Variants in ADAMTS5 observed in about 807,000 individuals in gnomAD.
The protein encoded by ADAMTS5 is ADAM metallopeptidase with thrombospondin type 1 motif 5.
A neutral mutation model predicts 81.4 loss-of-function variants in ADAMTS5; 54 were observed. The ratio of observed to expected loss-of-function variants is 0.66; its 90% CI spans 0.53 to 0.83. The LOEUF is 0.83. Among genes scored for constraint, ADAMTS5 ranks in the 40% least tolerant of loss-of-function variants. The probability of loss-of-function intolerance (pLI) is 0.00; values close to 1 mark genes in which losing one functional copy is unlikely to be tolerated. For synonymous variants in ADAMTS5, 532 were observed against 508.8 expected (o/e 1.05, Z -0.61); for missense variants, 1,194 against 1,229.9 (o/e 0.97, Z 0.44).
At position 26,923,905 on chromosome 21, in the gene ADAMTS5, A is replaced by C; in HGVS notation, c.*148T>G. The C allele has an allele frequency of 1.2e-6, 1 of 807,420 alleles. No homozygotes were observed. Among genetic ancestry groups the C allele is most frequent in the Non-Finnish European group, 1.9e-6 (1 of 531,868 alleles). 50.0% of individuals were successfully genotyped at this position (807,420 alleles called of 1,614,324 possible). ...GCAGTGCACATCCTCTTTTGGTCAC[A>C]GAGAGCAGATTCTGCCCATAATTGG... On this transcript the variant is annotated 3_prime_UTR_variant, in exon 8 of 8. Coordinates refer to ENST00000284987, the MANE Select transcript of ADAMTS5 (RefSeq NM_007038.5).
chr21:26,925,835 C>G (rs1986796420), intron 7 of ADAMTS5, among the ~76,000 whole-genome samples: 1 of 152,222 alleles, frequency 6.6e-6, no homozygotes, highest in African/African-American at 2.4e-5. Flanking sequence ...ACAGTGACAG[C>G]CACACAGGTG....
intron 2 of ADAMTS5, among the ~76,000 whole-genome samples, chr21:26,951,034 A>C (rs1187538390): frequency 1.3e-5 from 2 of 151,894 alleles, no homozygotes; most frequent in Non-Finnish European, 2.9e-5. Context: ...TTTTCTTTTT[A>C]ATTTTTTGTA....
At chr21:26,936,931 C>A (rs1353881873) in intron 3 of ADAMTS5, among the ~76,000 whole-genome samples, 1 of 152,154 alleles carries the variant, frequency 6.6e-6, no homozygotes, top group African/African-American at 2.4e-5. Flanking sequence ...AGAAGACTGT[C>A]AACAAATCTC....
chr21:26,927,231 T>C (rs1241112535), intron 7 of ADAMTS5, among the ~76,000 whole-genome samples: 1 of 152,206 alleles, frequency 6.6e-6, no homozygotes, highest in Non-Finnish European at 1.5e-5. Flanking sequence ...AATATATTCA[T>C]TTATATTCAA....
In ADAMTS5 at chr21:26,949,190, T is replaced by C. The variant is rs1413466899; in HGVS notation, c.1237+5549A>G. ...TCCATATATATATATCACACATATA[T>C]ATATATATGGAGAGAGAGAGAGAGA... is the stretch of plus-strand genomic sequence containing the variant. On this transcript the variant is annotated intron_variant, in intron 2 of 7. Transcript: ENST00000284987. Among the ~76,000 whole-genome samples, 6 of 145,922 alleles carry C rather than the reference T, an allele frequency of 4.1e-5. No individual in the cohort carries two copies. The Admixed American group carries it at 4.1e-4, about 10-fold the overall frequency.
At chr21:26,950,386 C>G (rs1246604630) in intron 2 of ADAMTS5, among the ~76,000 whole-genome samples, 1 of 152,140 alleles carries the variant, frequency 6.6e-6, no homozygotes, top group East Asian at 1.9e-4. Context: ...AAAATGTAAA[C>G]TTACACTAAC....
At chr21:26,938,154 G>T (rs1403836374) in intron 3 of ADAMTS5, among the ~76,000 whole-genome samples, 1 of 151,912 alleles carries the variant, frequency 6.6e-6, no homozygotes, top group African/African-American at 2.4e-5. Flanking sequence ...TGAGGCAGGA[G>T]AATCGCTTGA....
At chr21:26,949,155 C>T (rs1044901122) in intron 2 of ADAMTS5, among the ~76,000 whole-genome samples, 1 of 132,986 alleles carries the variant, frequency 7.5e-6, no homozygotes, top group Non-Finnish European at 1.6e-5. Context: ...ATATATATAT[C>T]ACACATATAT....
chr21:26,966,479 G>A lies in ADAMTS5; in HGVS notation c.-88C>T. 7.7e-7 allele frequency: 1 copy of A among 1,296,350 alleles called. No homozygotes were observed. Among genetic ancestry groups the A allele is most frequent in the Non-Finnish European group, 1.0e-6 (1 of 1,003,136 alleles). 80.3% of individuals were successfully genotyped at this position (1,296,350 alleles called of 1,614,324 possible). A position where few individuals can be genotyped will look rare whatever the true frequency, so the allele number is the denominator to read the frequency against. ...TGAAGTTAACGGGGCGGGGGATGGG[G>A]ACACACACACACTTGCTTGCAGGAT... On this transcript the variant is annotated 5_prime_UTR_variant, in exon 1 of 8. Transcript: ENST00000284987.
At chr21:26,933,983 G>A (rs1254578866) in intron 4 of ADAMTS5, among the ~76,000 whole-genome samples, 1 of 152,172 alleles carries the variant, frequency 6.6e-6, no homozygotes, top group Non-Finnish European at 1.5e-5. Context: ...TTTCCCCGGA[G>A]CAGTCGTAAG....
rs779115453 is a variant in ADAMTS5 at position 26,924,332 on chromosome 21, G to A, written c.2514C>T (p.Asp838=). The A allele has an allele frequency of 6.2e-7, 1 of 1,614,096 alleles. No individual in the cohort carries two copies. Among genetic ancestry groups the A allele is most frequent in the African/African-American group, 1.3e-5 (1 of 74,944 alleles). ...EILIVQILAT[D]PTKPLDVRYS... ...AACGGACATCTAATGGTTTAGTGGG[G>A]TCTGTTGCAAGAATCTGCACTATTA... The change falls in exon 8 of 8, where the codon GAC becomes GAT. Residue 838 remains aspartate, a synonymous_variant. Transcript: ENST00000284987.
Position 26,966,375 on chromosome 21 carries a change from GC to G in ADAMTS5, c.16del (p.Ala6ArgfsTer160). Reference sequence around the variant, plus strand: ...GCGGAACGCGCACAGCAGCAGGGACGCCCACCCGAGCAGCATAGTGCGCTGC... The same window carrying G: ...GCGGAACGCGCACAGCAGCAGGGACGCCACCCGAGCAGCATAGTGCGCTGC... MLLGW[A>X]SLLLCAFRLP... On this transcript the variant is annotated frameshift_variant, in exon 1 of 8. Transcript: ENST00000284987. LOFTEE classifies it high-confidence loss of function. 6.7e-7 allele frequency: 1 copy of G among 1,488,428 alleles called. No homozygotes were observed. The highest frequency in any genetic ancestry group is 1.3e-5 in the South Asian group (1 of 76,208). The allele number at this position is 1,488,428 out of a possible 1,614,324, so 92.2% of individuals were successfully genotyped here. A position where few individuals can be genotyped will look rare whatever the true frequency, so the allele number is the denominator to read the frequency against.
chr21:26,956,690 C>G (rs940853549), intron 1 of ADAMTS5, among the ~76,000 whole-genome samples: 1 of 152,034 alleles, frequency 6.6e-6, no homozygotes, highest in African/African-American at 2.4e-5. Flanking sequence ...ATGTTTATAT[C>G]ACAATTTGGG....
chr21:26,949,157 C>T (rs905053522), intron 2 of ADAMTS5, among the ~76,000 whole-genome samples: 1 of 146,822 alleles, frequency 6.8e-6, no homozygotes, highest in African/African-American at 2.5e-5. Context: ...ATATATATCA[C>T]ACATATATCC....
At chr21:26,952,604 A>G (rs1987342438) in intron 2 of ADAMTS5, among the ~76,000 whole-genome samples, 1 of 152,202 alleles carries the variant, frequency 6.6e-6, no homozygotes, top group African/African-American at 2.4e-5. Flanking sequence ...AATGTGTGAA[A>G]ACCAATCACT....
intron 1 of ADAMTS5, among the ~76,000 whole-genome samples, chr21:26,964,277 C>G (rs1282522778): frequency 6.6e-6 from 1 of 152,184 alleles, no homozygotes; most frequent in African/African-American, 2.4e-5. Context: ...ATGCGCAAGC[C>G]AGGCCCCAAA....
At chr21:26,960,688 G>A (rs9305295) in intron 1 of ADAMTS5, among the ~76,000 whole-genome samples, 1 of 152,088 alleles carries the variant, frequency 6.6e-6, no homozygotes, top group Non-Finnish European at 1.5e-5. Flanking sequence ...GACATACTTC[G>A]GTGGTTAAAT....
At position 26,965,586 on chromosome 21, in the gene ADAMTS5, A is replaced by G. The variant is rs780308075; in HGVS notation, c.806T>C (p.Val269Ala). 8.6e-5 allele frequency: 138 copies of G among 1,606,082 alleles called. No homozygotes were observed. Among genetic ancestry groups the G allele is most frequent in the Non-Finnish European group, 1.2e-4 (136 of 1,176,166 alleles). The change falls in exon 1 of 8, where the codon GTG becomes GCG. Residue 269 changes from valine (V) to alanine (A), a missense_variant. Around this residue, in one of 2 missense-constraint regions of ADAMTS5, gnomAD observed 498 missense variants for 412.3 expected, o/e 1.21. Coordinates refer to ENST00000284987, the MANE Select transcript of ADAMTS5 (RefSeq NM_007038.5). ...CGCGTCAGCCACCAGAAGCAGCTCCACCTGGCGGGCCCGGGAGATGGAGCG... is the reference window on the plus strand; with the variant it reads ...CGCGTCAGCCACCAGAAGCAGCTCCGCCTGGCGGGCCCGGGAGATGGAGCG... Reference protein sequence around the residue: ...RRRSISRARQVELLLVADASM... With the variant: ...RRRSISRARQAELLLVADASM...
At chr21:26,948,468 C>T (rs886991566) in intron 2 of ADAMTS5, among the ~76,000 whole-genome samples, 1 of 152,148 alleles carries the variant, frequency 6.6e-6, no homozygotes, top group Non-Finnish European at 1.5e-5. Context: ...TTTTATTTTA[C>T]CTAATTTTCC....
Sources: allele counts gnomAD v4.1 joint callset (sites outside exome capture counted in the v4.1 genomes callset), GRCh38; gene constraint gnomAD v4.1.1; regional missense constraint gnomAD v4.1.1; transcripts MANE v1.5; gene names NCBI Gene and HGNC (gene_info 2026-07-23, HGNC 2026-07-21).